Variants in CHM observed in about 807,000 individuals in gnomAD.
The protein encoded by CHM is CHM Rab escort protein, also known as rab proteins geranylgeranyltransferase component A 1.
Under a neutral mutation model 49.0 loss-of-function variants are expected in CHM, and 10 were observed. The observed-to-expected ratio is 0.20, with a 90% CI of 0.13 to 0.35. The LOEUF (loss-of-function observed/expected upper bound fraction) is 0.35. CHM is among the 10% of genes least tolerant of loss of function. The pLI is 1.00. For missense variants in CHM, 455 were observed against 478.4 expected (o/e 0.95, Z 0.46); for synonymous variants, 184 against 167.5 (o/e 1.10, Z -0.76).
At chrX:85,939,479 A>G (rs910629299) in intron 8 of CHM, among the ~76,000 whole-genome samples, 1 of 112,343 alleles carries the variant, frequency 8.9e-6, no homozygotes, top group Admixed American at 9.5e-5. Flanking sequence ...TGGCATATAC[A>G]TCCTCATACC....
chrX:85,890,671 A>G (rs1448288371), intron 12 of CHM, among the ~76,000 whole-genome samples: 3 of 112,264 alleles, frequency 2.7e-5, no homozygotes, highest in Admixed American at 9.4e-5. Context: ...CTGTAAGTCC[A>G]ATTAAATCTC....
At chrX:85,964,819 T>C (rs943396714) in intron 4 of CHM, among the ~76,000 whole-genome samples, 1 of 110,098 alleles carries the variant, frequency 9.1e-6, no homozygotes, top group African/African-American at 3.3e-5. Context: ...TCTTGATTTA[T>C]AGAACAGGCT....
intron 2 of CHM, among the ~76,000 whole-genome samples, chrX:86,019,312 G>C: frequency 8.9e-6 from 1 of 111,921 alleles, no homozygotes; most frequent in South Asian, 3.7e-4. Flanking sequence ...AACTAATGTG[G>C]TCCTTAAGGG....
chrX:85,878,603 T>C (rs886970264), intron 13 of CHM, among the ~76,000 whole-genome samples: 2 of 112,131 alleles, frequency 1.8e-5, no homozygotes, highest in Non-Finnish European at 3.8e-5. Flanking sequence ...GAATATATGC[T>C]TTTTGTACAA....
intron 8 of CHM, among the ~76,000 whole-genome samples, chrX:85,950,276 G>A (rs759946230): frequency 5.6e-5 from 6 of 106,671 alleles, no homozygotes; most frequent in African/African-American, 1.4e-4. Context: ...ATATTATATC[G>A]TTATGAAGTT....
chrX:85,903,570 T>A, intron 9 of CHM: 2 of 386,191 alleles, frequency 5.2e-6, no homozygotes, highest in Admixed American at 5.1e-5. Flanking sequence ...AAGATACTAA[T>A]ACATGTGCCT....
intron 8 of CHM, among the ~76,000 whole-genome samples, chrX:85,930,826 G>A (rs1928385028): frequency 8.9e-6 from 1 of 111,931 alleles, no homozygotes; most frequent in Non-Finnish European, 1.9e-5. Flanking sequence ...TTATTTGTAG[G>A]AGGATCAGAA....
At chrX:85,934,641 T>C (rs1317531863) in intron 8 of CHM, among the ~76,000 whole-genome samples, 1 of 110,351 alleles carries the variant, frequency 9.1e-6, no homozygotes, top group African/African-American at 3.3e-5. Flanking sequence ...TGCATAGTAT[T>C]CCACGGTGTA....
intron 2 of CHM, among the ~76,000 whole-genome samples, chrX:86,020,376 C>G (rs1272096836): frequency 9.1e-6 from 1 of 109,712 alleles, no homozygotes; most frequent in African/African-American, 3.3e-5. Flanking sequence ...AATCCGAAAT[C>G]TGAAATGCTT....
intron 1 of CHM, among the ~76,000 whole-genome samples, chrX:86,043,567 A>G (rs1934553387): frequency 9.2e-6 from 1 of 109,218 alleles, no homozygotes; most frequent in Non-Finnish European, 1.9e-5. Flanking sequence ...CACCATACCC[A>G]ATTAATTTTT....
intron 3 of CHM, 41 bp downstream of exon 3, chrX:85,981,696 A>G (rs1447274457): frequency 1.0e-6 from 1 of 992,488 alleles, no homozygotes; most frequent in Non-Finnish European, 1.4e-6. Flanking sequence ...TGTAACATAC[A>G]ATAAAACAAA....
intron 4 of CHM, among the ~76,000 whole-genome samples, chrX:85,973,085 G>A (rs1466273577): frequency 9.1e-6 from 1 of 109,569 alleles, no homozygotes; most frequent in Non-Finnish European, 1.9e-5. Context: ...CAGATCATGA[G>A]GTCAAGAGAT....
intron 8 of CHM, among the ~76,000 whole-genome samples, chrX:85,924,085 G>A (rs1296293020): frequency 9.0e-6 from 1 of 111,144 alleles, no homozygotes; most frequent in African/African-American, 3.3e-5. Flanking sequence ...TTACTCTTAA[G>A]TACAATGAGT....
intron 2 of CHM, among the ~76,000 whole-genome samples, chrX:85,985,014 C>T (rs1225746462): frequency 9.0e-6 from 1 of 111,450 alleles, no homozygotes; most frequent in African/African-American, 3.3e-5. Context: ...CCATACATAC[C>T]CCTAGGAAAG....
At chrX:85,945,049 A>G (rs1363154688) in intron 8 of CHM, among the ~76,000 whole-genome samples, 1 of 111,453 alleles carries the variant, frequency 9.0e-6, no homozygotes, top group Non-Finnish European at 1.9e-5. Flanking sequence ...CAAATGCCAC[A>G]TGTTCTCACT....
At chrX:86,040,292 C>T (rs961475706) in intron 1 of CHM, among the ~76,000 whole-genome samples, 16 of 112,271 alleles carry the variant, frequency 1.4e-4, no homozygotes, top group African/African-American at 1.9e-4. Flanking sequence ...GCACTCGCCC[C>T]GGCTCCTGCA....
chrX:86,028,937 C>A (rs1203409673), intron 1 of CHM, among the ~76,000 whole-genome samples: 2 of 111,559 alleles, frequency 1.8e-5, no homozygotes, highest in Non-Finnish European at 3.8e-5. Context: ...AAGTCATCTT[C>A]TGTATATAAA....
intron 9 of CHM, chrX:85,903,770 T>C: frequency 2.9e-6 from 1 of 339,564 alleles, no homozygotes; most frequent in Non-Finnish European, 5.8e-6. Flanking sequence ...TCTTATGTTG[T>C]GCTAGGTGGA....
chrX:85,963,701 T>C lies in CHM; in HGVS notation c.666A>G (p.Lys222=). Residue 222 remains lysine, a synonymous_variant, in exon 5 of 15, where the codon AAA becomes AAG. Transcript: ENST00000357749. The part of the protein sequence containing the change: ...KNRITYSQII[K]EGRRFNIDLV... ...AATCAATATTAAATCTCCTGCCTTC[T>C]TTAATAATTTGTGAGTAAGTAATTC... 8.3e-7 allele frequency: 1 copy of C among 1,201,746 alleles called. No homozygotes were observed. The highest frequency in any genetic ancestry group is 1.1e-6 in the Non-Finnish European group (1 of 886,782).
Sources: gnomAD v4.1 joint callset for allele counts (sites outside exome capture counted in the v4.1 genomes callset) on GRCh38, gnomAD v4.1.1 for gene constraint, MANE v1.5 for transcripts, NCBI Gene and HGNC (gene_info 2026-07-23, HGNC 2026-07-21) for gene names.